Variants in SDK1 observed in about 807,000 individuals in gnomAD.
SDK1 encodes sidekick cell adhesion molecule 1.
Under a neutral mutation model 245.5 loss-of-function variants are expected in SDK1, and 157 were observed. That is an observed-to-expected ratio of 0.64 (90% confidence interval 0.56 to 0.73). SDK1 has a LOEUF of 0.73. Ranked by LOEUF, SDK1 falls within the 30% of genes least tolerant of loss-of-function variation. The pLI is 0.00. For missense variants in SDK1, 3,583 were observed against 3,002.3 expected (o/e 1.19, Z -4.52); for synonymous variants, 1,647 against 1,278.5 (o/e 1.29, Z -6.15).
chr7:3,724,066 C>T (rs529724681), intron 4 of SDK1, among the ~76,000 whole-genome samples: 10 of 151,626 alleles, frequency 6.6e-5, no homozygotes, highest in Non-Finnish European at 1.3e-4. Flanking sequence ...CGGGTTCAAG[C>T]GATTCTCCTG....
At chr7:3,904,414 C>G (rs1186574882) in intron 5 of SDK1, among the ~76,000 whole-genome samples, 1 of 152,090 alleles carries the variant, frequency 6.6e-6, no homozygotes, top group Non-Finnish European at 1.5e-5. Context: ...TGTAATGAAA[C>G]TAGCCTGGTG....
intron 4 of SDK1, among the ~76,000 whole-genome samples, chr7:3,661,618 T>A (rs1451365976): frequency 6.6e-6 from 1 of 152,238 alleles, no homozygotes; most frequent in Non-Finnish European, 1.5e-5. Context: ...AAAAACTGTT[T>A]CTAAATTCTT....
At chr7:3,975,199 A>G (rs961982263) in intron 13 of SDK1, among the ~76,000 whole-genome samples, 1 of 152,148 alleles carries the variant, frequency 6.6e-6, no homozygotes. Flanking sequence ...CTGCTGACAC[A>G]TTTTATTTTT....
rs1055055756 is a variant in SDK1, at chr7:4,118,764, A to G, written c.3823+4490A>G. Among the ~76,000 whole-genome samples, 5 of 149,286 alleles carry G rather than the reference A, an allele frequency of 3.3e-5. 1 individual carries two copies. The highest frequency in any genetic ancestry group is 7.5e-5 in the Non-Finnish European group (5 of 66,846). On this transcript the variant is annotated intron_variant, in intron 25 of 44. Transcript: ENST00000404826. ...AGCAATAAAAAGGAATGGAATTCTG[A>G]TACATGCTACAGTGTGGGTGAACCT...
intron 1 of SDK1, among the ~76,000 whole-genome samples, chr7:3,599,847 A>G (rs529138458): frequency 2.0e-5 from 3 of 152,324 alleles, no homozygotes; most frequent in African/African-American, 7.2e-5. Context: ...CTGTAGCTAG[A>G]TAGTAACTTT....
At chr7:4,245,062 T>C (rs1786762722) in intron 43 of SDK1, among the ~76,000 whole-genome samples, 2 of 152,286 alleles carry the variant, frequency 1.3e-5, no homozygotes, top group South Asian at 4.1e-4. Context: ...GAGTCTTCAG[T>C]CTGCCATGTT....
chr7:3,743,017 T>C (rs10275231), intron 4 of SDK1, among the ~76,000 whole-genome samples: 9,923 of 152,258 alleles, frequency 0.065, 1,073 homozygotes, highest in African/African-American at 0.23. Flanking sequence ...CACATGGTCC[T>C]ACTTATTGAT....
chr7:3,835,809 A>T (rs1388278986), intron 5 of SDK1, among the ~76,000 whole-genome samples: 3 of 152,192 alleles, frequency 2.0e-5, no homozygotes, highest in Non-Finnish European at 4.4e-5. Context: ...AAGCAATTTC[A>T]ATATGGATTG....
At chr7:4,132,444 G>A (rs368318626) in intron 28 of SDK1, 21 bp downstream of exon 28, 60 of 1,550,378 alleles carry the variant, frequency 3.9e-5, no homozygotes, top group Admixed American at 3.1e-4. Context: ...GGCGGTGGCC[G>A]GGCGTGGTGG....
At chr7:3,456,228 G>A (rs1157496698) in intron 1 of SDK1, among the ~76,000 whole-genome samples, 2 of 152,148 alleles carry the variant, frequency 1.3e-5, no homozygotes, top group Non-Finnish European at 2.9e-5. Flanking sequence ...GCTTCACTCA[G>A]CTTCTTGAAT....
At chr7:3,768,692 G>T (rs1325282129) in intron 4 of SDK1, among the ~76,000 whole-genome samples, 1 of 152,176 alleles carries the variant, frequency 6.6e-6, no homozygotes, top group Non-Finnish European at 1.5e-5. Flanking sequence ...TAAAGGTTTG[G>T]CACAGAGCTG....
At chr7:3,924,656 G>A (rs776144887) in intron 5 of SDK1, among the ~76,000 whole-genome samples, 16 of 152,122 alleles carry the variant, frequency 1.1e-4, no homozygotes, top group African/African-American at 2.4e-4. Context: ...TCGGCCTCCC[G>A]GCACCTGCAG....
intron 5 of SDK1, among the ~76,000 whole-genome samples, chr7:3,935,570 G>A (rs1780127953): frequency 6.6e-6 from 1 of 152,100 alleles, no homozygotes; most frequent in African/African-American, 2.4e-5. Flanking sequence ...GCAAAGAACT[G>A]GAATAGGCAT....
At chr7:3,496,005 T>C (rs1362310983) in intron 1 of SDK1, among the ~76,000 whole-genome samples, 1 of 152,236 alleles carries the variant, frequency 6.6e-6, no homozygotes, top group African/African-American at 2.4e-5. Context: ...CACTATAACA[T>C]TAAATAAGAT....
chr7:3,500,259 C>T (rs542842238), intron 1 of SDK1, among the ~76,000 whole-genome samples: 68 of 152,242 alleles, frequency 4.5e-4, no homozygotes, highest in African/African-American at 1.6e-3. Flanking sequence ...TACTGAGTCT[C>T]CTTTCTTATA....
Position 3,644,138 on chromosome 7 carries a change from A to C in SDK1, c.713+2033A>C, listed in dbSNP as rs973075249. ...GCTAGTCTCGAAGTCCTTACCTCAA[A>C]TGATCCACCTGCCTCGGCCTCCCAA... is the stretch of plus-strand genomic sequence containing the variant. On this transcript the variant is annotated intron_variant, in intron 4 of 44. Coordinates refer to ENST00000404826, the MANE Select transcript of SDK1 (RefSeq NM_152744.4). 3.3e-5 allele frequency among the ~76,000 whole-genome samples: 5 copies of C among 150,688 alleles called. No individual in the cohort carries two copies. The South Asian group carries it at 1.0e-3, about 32-fold the overall frequency.
At chr7:3,536,064 T>A (rs1452462982) in intron 1 of SDK1, among the ~76,000 whole-genome samples, 1 of 151,808 alleles carries the variant, frequency 6.6e-6, no homozygotes, top group Non-Finnish European at 1.5e-5. Flanking sequence ...CAGAATAATT[T>A]TTTTTTTTCT....
intron 1 of SDK1, among the ~76,000 whole-genome samples, chr7:3,599,105 T>C (rs1185124133): frequency 2.0e-5 from 3 of 150,672 alleles, no homozygotes; most frequent in Non-Finnish European, 4.4e-5. Flanking sequence ...TTTTTTTTTT[T>C]TTTTTTTTTT....
intron 4 of SDK1, among the ~76,000 whole-genome samples, chr7:3,719,097 T>C (rs554117114): frequency 1.8e-3 from 269 of 152,330 alleles, no homozygotes; most frequent in African/African-American, 6.2e-3. Flanking sequence ...CAAATCTATA[T>C]TATAGGTATA....
Sources: gnomAD v4.1 joint callset for allele counts (sites outside exome capture counted in the v4.1 genomes callset) on GRCh38, gnomAD v4.1.1 for gene constraint, MANE v1.5 for transcripts, NCBI Gene and HGNC (gene_info 2026-07-23, HGNC 2026-07-21) for gene names.